Variants in C13orf46 observed in about 807,000 individuals in gnomAD.
C13orf46 encodes uncharacterized protein C13orf46.
the C13orf46 span, chr13:113,928,125 C>G: frequency 6.6e-6 from 1 of 152,528 alleles, no homozygotes; most frequent in East Asian, 1.9e-4. Context: ...TTATTCATTG[C>G]GTCTTCCTGG....
chr13:113,932,445 C>T, the C13orf46 span, among the ~76,000 whole-genome samples: 1 of 152,246 alleles, frequency 6.6e-6, no homozygotes. Flanking sequence ...ACCTCTCATA[C>T]TGGTCTTCGT....
the C13orf46 span, among the ~76,000 whole-genome samples, chr13:113,940,556 A>G: frequency 5.5e-3 from 398 of 72,212 alleles, 3 homozygotes; most frequent in African/African-American, 0.01. Context: ...CTGGGACTCC[A>G]TGTGTGAGGC....
the C13orf46 span, chr13:113,927,369 G>A: frequency 8.1e-5 from 32 of 394,144 alleles, no homozygotes; most frequent in Non-Finnish European, 1.2e-4. Flanking sequence ...GCTGCAGCTG[G>A]GGCTGCTCTG....
At chr13:113,942,078 G>A in the C13orf46 span, among the ~76,000 whole-genome samples, 1 of 152,244 alleles carries the variant, frequency 6.6e-6, no homozygotes, top group African/African-American at 2.4e-5. Flanking sequence ...ATGAAGAGCT[G>A]CCAAAGGCCG....
chr13:113,966,935 AAGTATGATG>A (rs1428654775), intron 5 of C13orf46, among the ~76,000 whole-genome samples: 1 of 152,194 alleles, frequency 6.6e-6, no homozygotes, highest in East Asian at 1.9e-4. Context: ...AGGCACAGGG[AAGTATGATG>A]AGTTGTTTTG....
the C13orf46 span, among the ~76,000 whole-genome samples, chr13:113,938,376 G>A: frequency 6.6e-6 from 1 of 152,214 alleles, no homozygotes; most frequent in Non-Finnish European, 1.5e-5. Context: ...AGGGCTGGCA[G>A]GAGCCTGGTG....
the C13orf46 span, among the ~76,000 whole-genome samples, chr13:113,942,157 TG>T: frequency 6.6e-6 from 1 of 152,182 alleles, no homozygotes; most frequent in Non-Finnish European, 1.5e-5. Flanking sequence ...TCCACTACTG[TG>T]GTCACTGACC....
intron 6 of C13orf46, among the ~76,000 whole-genome samples, chr13:113,957,115 G>A (rs1328571919): frequency 1.5e-5 from 2 of 136,842 alleles, no homozygotes; most frequent in African/African-American, 5.6e-5. Flanking sequence ...ACCTGCATAT[G>A]CATCCCCTTT....
chr13:113,927,771 C>T, the C13orf46 span: 1 of 396,356 alleles, frequency 2.5e-6, no homozygotes, highest in Non-Finnish European at 4.4e-6. Flanking sequence ...AGACAGACTC[C>T]CACTCGGAGG....
chr13:113,967,845 C>A (rs966130327), intron 4 of C13orf46, among the ~76,000 whole-genome samples: 19,106 of 151,910 alleles, frequency 0.13, 1,665 homozygotes, highest in Middle Eastern at 0.2. Context: ...GAGCAGGAGA[C>A]CCCCCCCGGG....
At chr13:113,965,638 ATGATGATTG>A (rs2052628425) in intron 5 of C13orf46, among the ~76,000 whole-genome samples, 1 of 151,712 alleles carries the variant, frequency 6.6e-6, no homozygotes, top group Non-Finnish European at 1.5e-5. Context: ...GATGACAGTG[ATGATGATTG>A]TGACAATGAT....
intron 4 of C13orf46, among the ~76,000 whole-genome samples, chr13:113,968,205 C>T (rs2052668801): frequency 6.6e-6 from 1 of 152,196 alleles, no homozygotes. Flanking sequence ...CTGAGGGCAC[C>T]TCCTCTCAGG....
the C13orf46 span, among the ~76,000 whole-genome samples, chr13:113,932,654 T>C: frequency 1.3e-5 from 2 of 152,232 alleles, no homozygotes; most frequent in Non-Finnish European, 2.9e-5. Flanking sequence ...GCAAATAATT[T>C]CTCCAGCTTG....
the C13orf46 span, among the ~76,000 whole-genome samples, chr13:113,945,620 GAAAGA>G: frequency 1.3e-3 from 152 of 119,398 alleles, no homozygotes; most frequent in Non-Finnish European, 2.1e-3. Context: ...AAGAAAGAAA[GAAAGA>G]AAGAAAGAAA....
chr13:113,934,286 C>T, the C13orf46 span, among the ~76,000 whole-genome samples: 1 of 152,176 alleles, frequency 6.6e-6, no homozygotes, highest in Non-Finnish European at 1.5e-5. Context: ...CCAAATAAAG[C>T]TGCTATGATC....
downstream of C13orf46, among the ~76,000 whole-genome samples, chr13:113,952,849 C>T (rs920158392): frequency 2.6e-5 from 4 of 152,244 alleles, no homozygotes; most frequent in Non-Finnish European, 5.9e-5. Context: ...CCCAACGGGC[C>T]GGGCAGCAGC....
the C13orf46 span, among the ~76,000 whole-genome samples, chr13:113,947,633 T>C: frequency 0.015 from 2,328 of 152,218 alleles, 48 homozygotes; most frequent in African/African-American, 0.053. Flanking sequence ...GCTTGGTTGG[T>C]TCTTGGCCCC....
intron 6 of C13orf46, among the ~76,000 whole-genome samples, chr13:113,957,192 G>C (rs2052543204): frequency 6.7e-6 from 1 of 149,864 alleles, no homozygotes; most frequent in Admixed American, 6.6e-5. Context: ...CGCACTGGGG[G>C]GTCTCCCCTG....
chr13:113,932,184 G>A, the C13orf46 span, among the ~76,000 whole-genome samples: 1 of 152,208 alleles, frequency 6.6e-6, no homozygotes, highest in Non-Finnish European at 1.5e-5. Flanking sequence ...GGTTGTTTTG[G>A]ATTTTGGTGA....
Sources: gnomAD v4.1 joint callset for allele counts (sites outside exome capture counted in the v4.1 genomes callset) on GRCh38, gnomAD v4.1.1 for gene constraint, MANE v1.5 for transcripts, NCBI Gene and HGNC (gene_info 2026-07-23, HGNC 2026-07-21) for gene names.